The following RAB44 variants were observed in gnomAD, a reference collection of about 807,000 sequenced individuals.
RAB44 encodes the protein RAB44, member RAS oncogene family.
A neutral mutation model predicts 93.3 loss-of-function variants in RAB44; 67 were observed. The observed-to-expected ratio is 0.72, with a 90% CI of 0.59 to 0.88. RAB44 has a LOEUF of 0.88. Among genes scored for constraint, RAB44 ranks in the 40% least tolerant of loss-of-function variants. The pLI, the probability that RAB44 is intolerant of heterozygous loss-of-function variation, is 0.00. For synonymous variants in RAB44, 427 were observed against 520.3 expected, an observed-to-expected ratio of 0.82 and a Z score of 2.44; for missense variants, 1,064 against 1,261.7, an observed-to-expected ratio of 0.84 and a Z score of 2.37.
intron 8 of RAB44, 40 bp from the exon 9 acceptor site, chr6:36,721,111 C>T (rs937821298): frequency 8.1e-7 from 1 of 1,234,082 alleles, no homozygotes; most frequent in African/African-American, 1.6e-5. Flanking sequence ...CACCACCTAC[C>T]TGCCCCTCCC....
At chr6:36,707,106 G>A (rs1006674153) in intron 2 of RAB44, among the ~76,000 whole-genome samples, 6 of 152,142 alleles carry the variant, frequency 3.9e-5, no homozygotes, top group African/African-American at 1.2e-4. Flanking sequence ...GATCACCTGA[G>A]ATTAGGAGTT....
At position 36,713,811 on chromosome 6, in the gene RAB44, T is replaced by C; in HGVS notation, c.208-17T>C. ...TCCCCGGTGGGAACACCTGCCCAAC[T>C]TGCCCATTCCTTCCAGGTGGCCAAG... On this transcript the variant is annotated splice_polypyrimidine_tract_variant and intron_variant, in intron 2 of 13. Transcript: ENST00000612677. 2 of 1,507,398 alleles carry C rather than the reference T, an allele frequency of 1.3e-6. No individual in the cohort carries two copies. Among genetic ancestry groups the C allele is most frequent in the Non-Finnish European group, 1.8e-6 (2 of 1,120,802 alleles). The allele number at this position is 1,507,398 out of a possible 1,614,324, so 93.4% of individuals were successfully genotyped here.
At chr6:36,713,550 C>G (rs567496702) in intron 2 of RAB44, among the ~76,000 whole-genome samples, 2 of 152,240 alleles carry the variant, frequency 1.3e-5, no homozygotes, top group East Asian at 1.9e-4. Flanking sequence ...GGCTGCTGTC[C>G]TTTATCAAGT....
At chr6:36,705,671 C>T (rs891124762) in intron 2 of RAB44, among the ~76,000 whole-genome samples, 40 of 152,160 alleles carry the variant, frequency 2.6e-4, no homozygotes, top group African/African-American at 9.2e-4. Flanking sequence ...GCATGAGCCA[C>T]CGCGCCCGGC....
At position 36,732,380 on chromosome 6, in the gene RAB44, T is replaced by G; in HGVS notation, c.*287T>G. Reference sequence around the variant, plus strand: ...ACTTAAGGAAAATACACCAAAATATTGGCCGCACATCTGTGGGTGTAAAAT... The same window carrying G: ...ACTTAAGGAAAATACACCAAAATATGGGCCGCACATCTGTGGGTGTAAAAT... On this transcript the variant is annotated 3_prime_UTR_variant, in exon 14 of 14. Coordinates refer to ENST00000612677, the MANE Select transcript of RAB44 (RefSeq NM_001257357.2). 2 of 175,012 alleles carry G rather than the reference T, an allele frequency of 1.1e-5. No individual in the cohort carries two copies. The highest frequency in any genetic ancestry group is 2.3e-5 in the Non-Finnish European group (2 of 87,638). The allele number at this position is 175,012 out of a possible 1,614,324, so 10.8% of individuals were successfully genotyped here. A position where few individuals can be genotyped will look rare whatever the true frequency, so the allele number is the denominator to read the frequency against.
rs1763374046 is a variant in RAB44 at position 36,731,990 on chromosome 6, C to T, written c.2976-13C>T. On this transcript the variant is annotated splice_polypyrimidine_tract_variant and intron_variant, in intron 13 of 13. Coordinates refer to ENST00000612677, the MANE Select transcript of RAB44 (RefSeq NM_001257357.2). This position sits in a 1 kb window ranked among gnomAD's most constrained non-coding sequence, Gnocchi z 4.0. ...GGTGAGAGAGAGGCCTGATGCCTGG[C>T]ACTGTCACATAGGTCACTCAGGATG... 1.6e-6 allele frequency: 2 copies of T among 1,233,040 alleles called. No individual in the cohort carries two copies. The highest frequency in any genetic ancestry group is 3.2e-5 in the East Asian group (1 of 31,710). The allele number at this position is 1,233,040 out of a possible 1,614,324, so 76.4% of individuals were successfully genotyped here.
chr6:36,730,819 C>T, intron 13 of RAB44, 70 bp downstream of exon 13: 1 of 789,900 alleles, frequency 1.3e-6, no homozygotes, highest in South Asian at 6.6e-5. Flanking sequence ...GCTCCGGCCC[C>T]ACTCTTGACT....
chr6:36,705,595 C>T (rs1171070303), intron 2 of RAB44, among the ~76,000 whole-genome samples: 1 of 152,154 alleles, frequency 6.6e-6, no homozygotes, highest in Non-Finnish European at 1.5e-5. Flanking sequence ...GTTGGTCAGG[C>T]TGGTCTCGAG....
chr6:36,722,133 C>A lies in RAB44; in HGVS notation c.1999C>A (p.His667Asn). The part of the protein sequence containing the change: ...LGLGELSAFP[H>N]QELEEEPRSE... ...GCTGGGTGAGCTGTCTGCCTTCCCCCACCAGGAGCTGGAAGAGGAACCCAG... is the reference window on the plus strand; with the variant it reads ...GCTGGGTGAGCTGTCTGCCTTCCCCAACCAGGAGCTGGAAGAGGAACCCAG... The change falls in exon 9 of 14, where the codon CAC becomes AAC. Residue 667 changes from histidine (H) to asparagine (N), a missense_variant. Transcript: ENST00000612677. 2 of 1,236,620 alleles carry A rather than the reference C, an allele frequency of 1.6e-6. No homozygotes were observed. Among genetic ancestry groups the A allele is most frequent in the Non-Finnish European group, 2.0e-6 (2 of 989,804 alleles). The allele number at this position is 1,236,620 out of a possible 1,614,324, so 76.6% of individuals were successfully genotyped here.
At chr6:36,727,506 C>A in intron 10 of RAB44, 71 bp from the exon 11 acceptor site, 1 of 987,246 alleles carries the variant, frequency 1.0e-6, no homozygotes, top group South Asian at 1.4e-5. Flanking sequence ...TAGGTTACTT[C>A]TCCCACTTTG....
At chr6:36,713,697 C>G in intron 2 of RAB44, 131 bp from the exon 3 acceptor site, 3 of 652,880 alleles carry the variant, frequency 4.6e-6, no homozygotes, top group Admixed American at 4.4e-5. Flanking sequence ...GGCCCTGGGT[C>G]AGGTTACTGG....
chr6:36,721,536 C>G lies in RAB44; in HGVS notation c.1402C>G (p.Pro468Ala). ...EQPVEPHDPD[P>A]NQEPGSTPEG... Reference sequence around the variant, plus strand: ...GCCTGTTGAACCGCACGACCCGGACCCCAACCAGGAGCCAGGGTCCACACC... The same window carrying G: ...GCCTGTTGAACCGCACGACCCGGACGCCAACCAGGAGCCAGGGTCCACACC... Residue 468 changes from proline to alanine, a missense_variant, in exon 9 of 14, where the codon CCC becomes GCC. Transcript: ENST00000612677. The G allele has an allele frequency of 3.2e-6, 4 of 1,234,570 alleles. No individual in the cohort carries two copies. The highest frequency in any genetic ancestry group is 2.1e-4 in the Middle Eastern group (1 of 4,844). The allele number at this position is 1,234,570 out of a possible 1,614,324, so 76.5% of individuals were successfully genotyped here.
chr6:36,702,260 C>G (rs1053495340), intron 1 of RAB44, among the ~76,000 whole-genome samples: 3 of 146,310 alleles, frequency 2.1e-5, no homozygotes, highest in African/African-American at 7.7e-5. Context: ...CATTTATGAT[C>G]TTAAAACTTC....
At chr6:36,708,908 A>ATTAT (rs144083010) in intron 2 of RAB44, among the ~76,000 whole-genome samples, 42,850 of 150,646 alleles carry the variant, frequency 0.28, 7,179 homozygotes, top group African/African-American at 0.48. Context: ...ATGAGTTTTT[A>ATTAT]TTATTTCTTT....
chr6:36,711,138 A>C (rs973669358), intron 2 of RAB44, among the ~76,000 whole-genome samples: 6 of 152,240 alleles, frequency 3.9e-5, no homozygotes, highest in Non-Finnish European at 8.8e-5. Flanking sequence ...TCAAAATTTT[A>C]AAGTTACCTA....
At chr6:36,720,213 G>A in intron 7 of RAB44, 150 bp from the exon 8 acceptor site, 1 of 558,202 alleles carries the variant, frequency 1.8e-6, no homozygotes, top group Non-Finnish European at 2.7e-6. Context: ...AGGCCAAGGA[G>A]GGATAACCGC....
chr6:36,700,567 G>A (rs2150321936), intron 1 of RAB44, among the ~76,000 whole-genome samples: 1 of 151,784 alleles, frequency 6.6e-6, no homozygotes, highest in South Asian at 2.1e-4. Context: ...AGCCTCCCAA[G>A]TAGCTAGGAC....
intron 9 of RAB44, among the ~76,000 whole-genome samples, chr6:36,723,807 C>T (rs1396153239): frequency 7.5e-6 from 1 of 133,282 alleles, no homozygotes. Context: ...TGCACTCCAG[C>T]CTGGGCGACA....
In RAB44 at chr6:36,722,899, T is replaced by C. The variant is rs570743898; in HGVS notation, c.2599+166T>C. 3.9e-5 allele frequency among the ~76,000 whole-genome samples: 6 copies of C among 152,390 alleles called. No homozygotes were observed. In the South Asian group the frequency reaches 1.2e-3, roughly 32 times the overall value. On this transcript the variant is annotated intron_variant, in intron 9 of 13. Transcript: ENST00000612677. ...TTTATATGGGCATAACCTTACTATT[T>C]CACTAATCGTCTCTAATTACAGGTA...
Sources: allele counts gnomAD v4.1 joint callset (sites outside exome capture counted in the v4.1 genomes callset), GRCh38; gene constraint gnomAD v4.1.1; non-coding constraint Gnocchi (gnomAD v3.1); transcripts MANE v1.5; gene names NCBI Gene and HGNC (gene_info 2026-07-23, HGNC 2026-07-21).